The following PSMB8 variants were observed in gnomAD, a reference collection of about 807,000 sequenced individuals.
PSMB8 encodes the protein proteasome 20S subunit beta 8, also known as proteasome subunit beta type-8.
Under a neutral mutation model 32.3 loss-of-function variants are expected in PSMB8, and 20 were observed. The ratio of observed to expected loss-of-function variants is 0.62; its 90% CI spans 0.44 to 0.90. PSMB8 has a LOEUF of 0.90. Among genes scored for constraint, PSMB8 ranks in the 40% least tolerant of loss-of-function variants. The pLI is 0.00. For synonymous variants in PSMB8, 131 were observed against 135.4 expected (o/e 0.97, Z 0.23); for missense variants, 342 against 365.4 (o/e 0.94, Z 0.52).
chr6:32,844,497 C>T (rs1770196932), upstream of PSMB8: 1 of 1,541,466 alleles, frequency 6.5e-7, no homozygotes, highest in African/African-American at 1.4e-5. Flanking sequence ...CAGAATATAC[C>T]CGCCGCGTGT....
chr6:32,844,531 G>A, upstream of PSMB8: 1 of 1,269,382 alleles, frequency 7.9e-7, no homozygotes, highest in Non-Finnish European at 1.1e-6. Flanking sequence ...GCCAGGGAGA[G>A]GGCGCAGTCT....
In PSMB8 at chr6:32,842,245, A is replaced by G; in HGVS notation, c.426T>C (p.Asn142=). The G allele has an allele frequency of 6.2e-7, 1 of 1,613,144 alleles. No individual in the cohort carries two copies. The change falls in exon 4 of 6, where the codon AAT becomes AAC. Residue 142 remains asparagine, a synonymous_variant. Transcript: ENST00000374882. ...CTGCCGACACTGAAATACGTTCTCC[A>G]TTTCGCAGATAGTACAGCCTGGGTG... ...AKECRLYYLR[N]GERISVSAAS...
chr6:32,843,014 T>C lies in PSMB8; in HGVS notation c.223A>G (p.Thr75Ala), dbSNP rs1323623453. 6.2e-7 allele frequency: 1 copy of C among 1,613,046 alleles called. No homozygotes were observed. ...VQIEMAHGTT[T>A]LAFKFQHGVI... ...CCATGCTGGAACTTGAAGGCGAGCG[T>C]GGTGGTGCCATGGGCCATCTCAATC... Residue 75 changes from threonine to alanine, a missense_variant, in exon 2 of 6, where the codon ACG (threonine) becomes GCG (alanine). Thr to Ala is a moderately conservative substitution (Grantham distance 58, BLOSUM62 0). Coordinates refer to ENST00000374882, the MANE Select transcript of PSMB8 (RefSeq NM_148919.4).
chr6:32,844,068 G>T, upstream of PSMB8: 1 of 1,586,152 alleles, frequency 6.3e-7, no homozygotes, highest in South Asian at 1.1e-5. Context: ...GATCGAAGGG[G>T]AGGGAACAAG....
rs561471558 is a variant in PSMB8 at position 32,842,224 on chromosome 6, C to A, written c.447G>T (p.Ser149=). ...TGTTGGACAGCAGCTTGGAGGCTGC[C>A]GACACTGAAATACGTTCTCCATTTC... The part of the protein sequence containing the change: ...YLRNGERISV[S]AASKLLSNMM... The change falls in exon 4 of 6, where the codon TCG becomes TCT. Residue 149 remains serine, a synonymous_variant. Transcript: ENST00000374882. 1 of 1,612,950 alleles carries A rather than the reference C, an allele frequency of 6.2e-7. No homozygotes were observed. Among genetic ancestry groups the A allele is most frequent in the African/African-American group, 1.3e-5 (1 of 74,906 alleles).
intron 5 of PSMB8, 39 bp from the exon 6 acceptor site, chr6:32,841,086 A>G (rs1769873189): frequency 7.2e-6 from 11 of 1,526,564 alleles, no homozygotes; most frequent in Non-Finnish European, 1.0e-5. Context: ...GTCACCTTTC[A>G]CCTCAGCAAG....
chr6:32,842,958 T>A lies in PSMB8; in HGVS notation c.279A>T (p.Ser93=), dbSNP rs758803379. The A allele has an allele frequency of 6.2e-7, 1 of 1,613,414 alleles. No individual in the cohort carries two copies. Among genetic ancestry groups the A allele is most frequent in the Non-Finnish European group, 8.5e-7 (1 of 1,180,040 alleles). ...GVIAAVDSRA[S]AGSYISALRV... ...TACACTCACTAATGTAGGACCCAGCTGAGGCCCGAGAATCCACTGCTGCAA... is the reference window on the plus strand; with the variant it reads ...TACACTCACTAATGTAGGACCCAGCAGAGGCCCGAGAATCCACTGCTGCAA... Residue 93 remains serine (S), a synonymous_variant, in exon 2 of 6, where the codon TCA becomes TCT. Transcript: ENST00000374882.
chr6:32,840,890 A>G lies in PSMB8; in HGVS notation c.*69T>C. ...TAGGCCTCTTCTTCTCCTTGGACTT[A>G]ACGTGGCTTAGGTCCCTGAGTCGGC... is the stretch of plus-strand genomic sequence containing the variant. On this transcript the variant is annotated 3_prime_UTR_variant, in exon 6 of 6. Coordinates refer to ENST00000374882, the MANE Select transcript of PSMB8 (RefSeq NM_148919.4). 7.4e-7 allele frequency: 1 copy of G among 1,352,864 alleles called. No individual in the cohort carries two copies. The highest frequency in any genetic ancestry group is 1.7e-5 in the Admixed American group (1 of 58,858). 83.8% of individuals were successfully genotyped at this position (1,352,864 alleles called of 1,614,324 possible).
At chr6:32,841,082 T>C (rs1157640260) in intron 5 of PSMB8, 35 bp from the exon 6 acceptor site, 1 of 1,541,932 alleles carries the variant, frequency 6.5e-7, no homozygotes, top group Non-Finnish European at 9.0e-7. Context: ...TGGAGTCACC[T>C]TTCACCTCAG....
rs370520028 is a variant in PSMB8, at chr6:32,843,946, C to T, written c.51G>A (p.Ser17=). 6.2e-7 allele frequency: 1 copy of T among 1,612,452 alleles called. No individual in the cohort carries two copies. The highest frequency in any genetic ancestry group is 1.7e-5 in the Admixed American group (1 of 59,984). The change falls in exon 1 of 6, where the codon TCG becomes TCA. Residue 17 remains serine, a synonymous_variant. Transcript: ENST00000374882. ...CGAPRGQRPE[S]ALPVAGSGRR... ...GCCCGCTTCCCGCAACCGGGAGAGCCGATTCCGGCCGCTGCCCTCGGGGGG... is the reference window on the plus strand; with the variant it reads ...GCCCGCTTCCCGCAACCGGGAGAGCTGATTCCGGCCGCTGCCCTCGGGGGG...
intron 1 of PSMB8, 23 bp downstream of exon 1, chr6:32,843,827 A>C (rs762376463): frequency 6.2e-7 from 1 of 1,611,746 alleles, no homozygotes; most frequent in Non-Finnish European, 8.5e-7. Flanking sequence ...CTGCATCCCT[A>C]GGGGCTTCCC....
At position 32,842,945 on chromosome 6, in the gene PSMB8, T is replaced by C; in HGVS notation, c.292A>G (p.Ile98Val). 2 of 1,613,616 alleles carry C rather than the reference T, an allele frequency of 1.2e-6. No individual in the cohort carries two copies. Among genetic ancestry groups the C allele is most frequent in the South Asian group, 2.2e-5 (2 of 91,088 alleles). Residue 98 changes from isoleucine (I) to valine (V), a missense_variant, in exon 2 of 6, where the codon ATT (isoleucine) becomes GTT (valine). By Grantham distance (29) the Ile-to-Val change is conservative. Coordinates refer to ENST00000374882, the MANE Select transcript of PSMB8 (RefSeq NM_148919.4). Reference sequence around the variant, plus strand: ...CTGCTGGAGCGTATACACTCACTAATGTAGGACCCAGCTGAGGCCCGAGAA... The same window carrying C: ...CTGCTGGAGCGTATACACTCACTAACGTAGGACCCAGCTGAGGCCCGAGAA... ...VDSRASAGSY[I>V]SALRVNKVIE...
intron 4 of PSMB8, 54 bp from the exon 5 acceptor site, chr6:32,841,789 G>T: frequency 1.3e-6 from 2 of 1,509,966 alleles, no homozygotes; most frequent in Non-Finnish European, 1.8e-6. Context: ...TTGGTAACAT[G>T]GGGGTTCAAA....
In PSMB8 at chr6:32,841,745, G is replaced by A. The variant is rs923980627; in HGVS notation, c.538-10C>T. On this transcript the variant is annotated splice_polypyrimidine_tract_variant and intron_variant, in intron 4 of 5. Transcript: ENST00000374882. The stretch of plus-strand genomic sequence containing the variant: ...AGTAGAGTCCAGGACCCTATAAGAT[G>A]AAAGATTTCAGGCTGAAATTGGAGA... The A allele has an allele frequency of 3.1e-6, 5 of 1,611,788 alleles. No homozygotes were observed. In the Admixed American group the frequency reaches 8.3e-5, roughly 27 times the overall value.
At chr6:32,843,799 T>A (rs917311495) in intron 1 of PSMB8, 51 bp downstream of exon 1, 14 of 1,605,930 alleles carry the variant, frequency 8.7e-6, no homozygotes, top group Non-Finnish European at 1.2e-5. Context: ...GACCCTCCAC[T>A]CCTCAGCGCC....
rs200912254 is a variant in PSMB8 at position 32,840,912 on chromosome 6, C to T, written c.*47G>A. ...CTTAACGTGGCTTAGGTCCCTGAGTCGGCCAAGACCTCCCAGAGGAGACCT... is the reference window on the plus strand; with the variant it reads ...CTTAACGTGGCTTAGGTCCCTGAGTTGGCCAAGACCTCCCAGAGGAGACCT... On this transcript the variant is annotated 3_prime_UTR_variant, in exon 6 of 6. Transcript: ENST00000374882. The T allele has an allele frequency of 1.6e-5, 24 of 1,518,004 alleles. No individual in the cohort carries two copies. The highest frequency in any genetic ancestry group is 1.4e-4 in the East Asian group (6 of 44,416). The allele number at this position is 1,518,004 out of a possible 1,614,324, so 94.0% of individuals were successfully genotyped here. A position where few individuals can be genotyped will look rare whatever the true frequency, so the allele number is the denominator to read the frequency against.
At chr6:32,843,746 A>T in intron 1 of PSMB8, 104 bp downstream of exon 1, 1 of 1,439,868 alleles carries the variant, frequency 6.9e-7, no homozygotes, top group Non-Finnish European at 9.6e-7. Context: ...GCTACCCCCG[A>T]CCCTGTACCC....
rs1769849603 is a variant in PSMB8 at position 32,840,801 on chromosome 6, G to A, written c.*158C>T. 5 of 655,756 alleles carry A rather than the reference G, an allele frequency of 7.6e-6. No individual in the cohort carries two copies. Among genetic ancestry groups the A allele is most frequent in the South Asian group, 5.3e-5 (3 of 56,912 alleles). 40.6% of individuals were successfully genotyped at this position (655,756 alleles called of 1,614,324 possible). A position where few individuals can be genotyped will look rare whatever the true frequency, so the allele number is the denominator to read the frequency against. On this transcript the variant is annotated 3_prime_UTR_variant, in exon 6 of 6. Coordinates refer to ENST00000374882, the MANE Select transcript of PSMB8 (RefSeq NM_148919.4). ...AAATGCTTGTTCAAATAGAGAACAC[G>A]CAGAAGATGCACTTCACCGGCCTCC...
chr6:32,843,940 GA>G lies in PSMB8; in HGVS notation c.56del (p.Leu19ProfsTer66), dbSNP rs776635245. The G allele has an allele frequency of 1.8e-5, 29 of 1,612,582 alleles. No homozygotes were observed. The highest frequency in any genetic ancestry group is 2.5e-5 in the Non-Finnish European group (29 of 1,179,954). ...APRGQRPESA[L>X]PVAGSGRRSD... ...AGCGACGCCCGCTTCCCGCAACCGG[GA>G]GAGCCGATTCCGGCCGCTGCCCTCG... On this transcript the variant is annotated frameshift_variant, in exon 1 of 6. Transcript: ENST00000374882. LOFTEE classifies it high-confidence loss of function.
Sources: gnomAD v4.1 joint callset for allele counts on GRCh38, gnomAD v4.1.1 for gene constraint, MANE v1.5 for transcripts, NCBI Gene and HGNC (gene_info 2026-07-23, HGNC 2026-07-21) for gene names.